Variants in EIF2AK2 observed in about 807,000 individuals in gnomAD.
EIF2AK2 encodes the protein eukaryotic translation initiation factor 2 alpha kinase 2, also known as interferon-induced, double-stranded RNA-activated protein kinase.
In EIF2AK2, 40 loss-of-function variants were observed where a neutral mutation model predicts 70.5. That is an observed-to-expected ratio of 0.57 (90% CI 0.44 to 0.74). The LOEUF (loss-of-function observed/expected upper bound fraction) is 0.74, where lower values mean the gene tolerates loss of function less well. EIF2AK2 is among the 30% of genes least tolerant of loss of function. The probability of loss-of-function intolerance (pLI) is 0.00; values close to 1 mark genes in which losing one functional copy is unlikely to be tolerated. For missense variants in EIF2AK2, 555 were observed against 644.3 expected (o/e 0.86, Z 1.50); for synonymous variants, 198 against 220.9 (o/e 0.90, Z 0.92).
intron 1 of EIF2AK2, among the ~76,000 whole-genome samples, chr2:37,152,541 A>C (rs941360413): frequency 6.6e-6 from 1 of 152,074 alleles, no homozygotes; most frequent in Non-Finnish European, 1.5e-5. Context: ...TCAGCCTCCC[A>C]AAGTGCTGGG....
At chr2:37,141,423 T>C in intron 5 of EIF2AK2, 130 bp downstream of exon 5, 2 of 1,095,216 alleles carry the variant, frequency 1.8e-6, no homozygotes, top group Non-Finnish European at 2.6e-6. Context: ...CAATTACTTA[T>C]CAATCATGTA....
rs370651576 is a variant in EIF2AK2, at chr2:37,107,667, ATTCCCTCTCTCCTACAC to A, written c.1480-157_1480-141del. On this transcript the variant is annotated intron_variant, in intron 15 of 16. Transcript: ENST00000233057. ...TCTCTTTAGCCAAGAAGCAAGCAGG[ATTCCCTCTCTCCTACAC>A]TACCCCCAATCTAATAACCATCCTT... 628 of 845,762 alleles carry A rather than the reference ATTCCCTCTCTCCTACAC, an allele frequency of 7.4e-4. 2 individuals are homozygous for A. The African/African-American group carries it at 9.7e-3, about 13-fold the overall frequency. 52.4% of individuals were successfully genotyped at this position (845,762 alleles called of 1,614,324 possible). A position where few individuals can be genotyped will look rare whatever the true frequency, so the allele number is the denominator to read the frequency against.
intron 14 of EIF2AK2, among the ~76,000 whole-genome samples, chr2:37,113,449 G>A (rs759450416): frequency 2.4e-5 from 3 of 124,966 alleles, no homozygotes; most frequent in African/African-American, 9.2e-5. Flanking sequence ...AGTGAGCTGA[G>A]ATCATGCCAT....
At chr2:37,110,415 GA>G (rs905731870) in intron 14 of EIF2AK2, among the ~76,000 whole-genome samples, 3 of 149,152 alleles carry the variant, frequency 2.0e-5, no homozygotes, top group African/African-American at 7.4e-5. Context: ...TTTTTAAATG[GA>G]AAAAAAAACC....
chr2:37,123,856 A>G (rs892563750), intron 11 of EIF2AK2, among the ~76,000 whole-genome samples: 1 of 152,224 alleles, frequency 6.6e-6, no homozygotes, highest in African/African-American at 2.4e-5. Context: ...AGGAAGAATA[A>G]TCATTTTACA....
intron 1 of EIF2AK2, among the ~76,000 whole-genome samples, chr2:37,155,437 T>G (rs1054153089): frequency 1.3e-5 from 2 of 152,202 alleles, no homozygotes; most frequent in Non-Finnish European, 1.5e-5. Context: ...TCTACATTTA[T>G]AGTGCAATAT....
At chr2:37,110,082 T>A (rs1041671961) in intron 14 of EIF2AK2, among the ~76,000 whole-genome samples, 2 of 151,874 alleles carry the variant, frequency 1.3e-5, no homozygotes, top group African/African-American at 4.8e-5. Flanking sequence ...ATGTTGCCTT[T>A]TTTTTTTTTG....
At position 37,114,848 on chromosome 2, in the gene EIF2AK2, T is replaced by C. The variant is rs1342745323; in HGVS notation, c.1260A>G (p.Ile420Met). The C allele has an allele frequency of 6.4e-7, 1 of 1,571,358 alleles. No homozygotes were observed. The highest frequency in any genetic ancestry group is 1.4e-5 in the African/African-American group (1 of 72,488). ...LIHRDLKPSN[I>M]FLVDTKQVKI... ...TTACTTGTTTTGTATCTACTAAGAA[T>C]ATATTACTTGGCTATGAAAAAAAAA... The change falls in exon 14 of 17, where the codon ATA becomes ATG. Residue 420 changes from isoleucine to methionine, a missense_variant. By Grantham distance (10) the Ile-to-Met change is conservative. Transcript: ENST00000233057.
At chr2:37,131,894 A>T (rs1422787684) in intron 10 of EIF2AK2, among the ~76,000 whole-genome samples, 3 of 152,218 alleles carry the variant, frequency 2.0e-5, no homozygotes, top group Admixed American at 2.0e-4. Flanking sequence ...CAAAAAACAC[A>T]CAAGTTAATA....
chr2:37,151,901 C>T (rs1006843557), intron 1 of EIF2AK2, among the ~76,000 whole-genome samples: 3 of 152,202 alleles, frequency 2.0e-5, no homozygotes, highest in Non-Finnish European at 4.4e-5. Context: ...CTCGTCTCCA[C>T]TAAAAATACA....
intron 6 of EIF2AK2, among the ~76,000 whole-genome samples, chr2:37,138,834 T>C (rs1675219355): frequency 6.6e-6 from 1 of 152,134 alleles, no homozygotes; most frequent in South Asian, 2.1e-4. Context: ...CTGGCTCTGT[T>C]GTCTAGGTTG....
At chr2:37,154,591 G>A (rs139042217) in intron 1 of EIF2AK2, among the ~76,000 whole-genome samples, 4,125 of 151,918 alleles carry the variant, frequency 0.027, 71 homozygotes, top group Non-Finnish European at 0.033. Flanking sequence ...ACAGAGTTTC[G>A]CTCTTGTTGC....
intron 14 of EIF2AK2, among the ~76,000 whole-genome samples, chr2:37,110,274 T>C (rs1674101776): frequency 6.6e-6 from 1 of 151,354 alleles, no homozygotes; most frequent in Admixed American, 6.6e-5. Context: ...TTTGTTTTTT[T>C]AGTGGAGATG....
chr2:37,149,295 T>C, intron 1 of EIF2AK2: 2 of 1,061,652 alleles, frequency 1.9e-6, no homozygotes, highest in South Asian at 1.3e-5. Flanking sequence ...ATTATAAACA[T>C]GCTGGATAAT....
chr2:37,130,954 A>T (rs1674918825), intron 10 of EIF2AK2, among the ~76,000 whole-genome samples: 1 of 152,260 alleles, frequency 6.6e-6, no homozygotes, highest in Non-Finnish European at 1.5e-5. Flanking sequence ...TTTCATAGCT[A>T]GGATTAATCA....
intron 10 of EIF2AK2, among the ~76,000 whole-genome samples, chr2:37,131,762 G>C (rs973901741): frequency 2.6e-5 from 4 of 152,122 alleles, no homozygotes; most frequent in African/African-American, 9.7e-5. Flanking sequence ...CAGTCACTGA[G>C]AGATATTGTG....
chr2:37,140,604 C>CG (rs980494397), intron 5 of EIF2AK2, among the ~76,000 whole-genome samples: 8 of 151,476 alleles, frequency 5.3e-5, no homozygotes, highest in African/African-American at 1.9e-4. Context: ...GATACTGCCC[C>CG]CCCCCGCAAA....
chr2:37,119,832 T>A (rs1157596386), intron 13 of EIF2AK2, 127 bp downstream of exon 13: 4 of 440,096 alleles, frequency 9.1e-6, no homozygotes, highest in Non-Finnish European at 1.4e-5. Flanking sequence ...CCTCAGATGA[T>A]CTGCCTGCCT....
rs577436972 is a variant in EIF2AK2, at chr2:37,114,774, C to T, written c.1334G>A (p.Arg445Gln). Residue 445 changes from arginine (R) to glutamine (Q), a missense_variant, in exon 14 of 17, where the codon CGA (arginine) becomes CAA (glutamine). By Grantham distance (43) the Arg-to-Gln change is conservative. Coordinates refer to ENST00000233057, the MANE Select transcript of EIF2AK2 (RefSeq NM_001135651.3). Reference protein sequence around the residue: ...LVTSLKNDGKRTRSKGTLRYM... With the variant: ...LVTSLKNDGKQTRSKGTLRYM... ...TCGCAAAGTTCCCTTACTCCTTGTT[C>T]GCTTTCCATCATTTTTCAGAGATGT... is the stretch of plus-strand genomic sequence containing the variant. 9 of 1,604,824 alleles carry T rather than the reference C, an allele frequency of 5.6e-6. No individual in the cohort carries two copies. Among genetic ancestry groups the T allele is most frequent in the African/African-American group, 2.7e-5 (2 of 74,488 alleles).
Sources: gnomAD v4.1 joint callset for allele counts (sites outside exome capture counted in the v4.1 genomes callset) on GRCh38, gnomAD v4.1.1 for gene constraint, MANE v1.5 for transcripts, NCBI Gene and HGNC (gene_info 2026-07-23, HGNC 2026-07-21) for gene names.